SYT12: variants seen among roughly 807,000 people sequenced by gnomAD.
SYT12 encodes synaptotagmin 12.
SYT12 carries 27 observed loss-of-function variants against 39.5 expected under a neutral mutation model. The observed-to-expected ratio is 0.68, with a 90% CI of 0.50 to 0.94. The LOEUF (loss-of-function observed/expected upper bound fraction) is 0.94. SYT12 is among the 40% of genes least tolerant of loss of function. The pLI is 0.00. For missense variants in SYT12, 536 were observed against 572.6 expected (o/e 0.94, Z 0.65); for synonymous variants, 233 against 239.7 (o/e 0.97, Z 0.26).
chr11:67,035,829 CCTTCCTTCCTTTCTTTCTTT>C (rs1187387592), intron 3 of SYT12, among the ~76,000 whole-genome samples: 42 of 99,846 alleles, frequency 4.2e-4, no homozygotes, highest in African/African-American at 8.9e-4. Flanking sequence ...TTCCTTCCTT[CCTTCCTTCCTTTCTTTCTTT>C]CTTTCTTTCT....
At chr11:67,013,403 T>C (rs1187110646) in intron 3 of SYT12, among the ~76,000 whole-genome samples, 3 of 152,184 alleles carry the variant, frequency 2.0e-5, no homozygotes, top group African/African-American at 7.2e-5. Flanking sequence ...CTGGCAGGGT[T>C]GCACCTTCTC....
At chr11:67,035,837 CCTTTCTTTCTTT>C (rs1157424282) in intron 3 of SYT12, among the ~76,000 whole-genome samples, 1,173 of 110,872 alleles carry the variant, frequency 0.011, 33 homozygotes, top group Non-Finnish European at 0.012. Context: ...TTCCTTCCTT[CCTTTCTTTCTTT>C]CTTTCTTTCT....
At chr11:67,030,482 T>C in intron 2 of SYT12, 1 of 369,294 alleles carries the variant, frequency 2.7e-6, no homozygotes, top group Non-Finnish European at 4.9e-6. Flanking sequence ...GATGAGCCTG[T>C]GACTCGGAAT....
Position 67,034,451 on chromosome 11 carries a change from A to G in SYT12, c.35-194A>G, listed in dbSNP as rs907300518. On this transcript the variant is annotated intron_variant, in intron 2 of 7. Transcript: ENST00000527043. ...TGTAAATATCCCCAAATCAGAAAAA[A>G]TCTGAAACCCAAAACACTTCTGGTC... is the stretch of plus-strand genomic sequence containing the variant. 2.0e-5 allele frequency among the ~76,000 whole-genome samples: 3 copies of G among 152,250 alleles called. No individual in the cohort carries two copies. In the East Asian group the frequency reaches 5.8e-4, roughly 29 times the overall value.
upstream of SYT12, among the ~76,000 whole-genome samples, chr11:67,022,147 C>T (rs1179258039): frequency 1.3e-5 from 2 of 152,184 alleles, no homozygotes; most frequent in African/African-American, 2.4e-5. Flanking sequence ...CTTTCTAGGG[C>T]TCCCCAGCAT....
exon 2 of SYT12, chr11:67,009,934 G>A (rs1950000728): frequency 6.6e-6 from 1 of 152,376 alleles, no homozygotes; most frequent in South Asian, 2.1e-4. Context: ...AAAGGATGAA[G>A]AGTTTACATC....
chr11:67,038,413 C>T (rs565157311), intron 3 of SYT12, among the ~76,000 whole-genome samples: 21 of 151,982 alleles, frequency 1.4e-4, no homozygotes, highest in African/African-American at 3.9e-4. Flanking sequence ...GATCCGCCAC[C>T]TCAGCCTCCC....
At position 67,040,027 on chromosome 11, in the gene SYT12, C is replaced by T; in HGVS notation, c.445C>T (p.Gln149Ter). ...CTCCTCCGTGAGCAACACCTTTGGG[C>T]AGGACTTCACACTGGGCCAGGTGGA... is the stretch of plus-strand genomic sequence containing the variant. ...SISSVSNTFG[Q>*]DFTLGQVEVS... is the part of the protein sequence containing the mutation. The change falls in exon 4 of 8, where the codon CAG becomes TAG. Residue 149 changes from glutamine (Q) to a stop codon, truncating the protein, a stop_gained. Transcript: ENST00000527043. LOFTEE classifies it high-confidence loss of function. 1 of 1,613,962 alleles carries T rather than the reference C, an allele frequency of 6.2e-7. No individual in the cohort carries two copies. Among genetic ancestry groups the T allele is most frequent in the Non-Finnish European group, 8.5e-7 (1 of 1,180,028 alleles).
chr11:67,009,091 C>T (rs1355550562), intron 1 of SYT12, among the ~76,000 whole-genome samples: 5 of 152,120 alleles, frequency 3.3e-5, no homozygotes, highest in African/African-American at 4.8e-5. Context: ...CCTGCAACCT[C>T]GCCCTCCCAG....
intron 3 of SYT12, among the ~76,000 whole-genome samples, chr11:67,038,543 C>T (rs1415978903): frequency 6.6e-6 from 1 of 152,168 alleles, no homozygotes; most frequent in Non-Finnish European, 1.5e-5. Context: ...CTTGTGGCTG[C>T]TCCATCATCT....
At position 67,043,824 on chromosome 11, in the gene SYT12, G is replaced by A. The variant is rs1477711075; in HGVS notation, c.808G>A (p.Gly270Ser). The A allele has an allele frequency of 1.3e-5, 21 of 1,614,106 alleles. No homozygotes were observed. The highest frequency in any genetic ancestry group is 1.6e-5 in the Non-Finnish European group (19 of 1,180,040). ...TGACCTCCCGCTGCAGCCCTTCAGTGGCTGGCTCTATTTACAGGACCAGAA... is the reference window on the plus strand; with the variant it reads ...TGACCTCCCGCTGCAGCCCTTCAGTAGCTGGCTCTATTTACAGGACCAGAA... ...VLDLPLQPFS[G>S]WLYLQDQNKA... The change falls in exon 5 of 8, where the codon GGC (glycine) becomes AGC (serine). Residue 270 changes from glycine (G) to serine (S), a missense_variant. Coordinates refer to ENST00000527043, the MANE Select transcript of SYT12 (RefSeq NM_177963.4).
chr11:67,044,981 A>G (rs1451439611), intron 6 of SYT12, among the ~76,000 whole-genome samples: 1 of 152,014 alleles, frequency 6.6e-6, no homozygotes, highest in East Asian at 1.9e-4. Context: ...CGGGGGTCTC[A>G]GGGCAGGAGG....
At chr11:67,006,904 G>C (rs1357890694) in exon 1 of SYT12, 9 of 152,248 alleles carry the variant, frequency 5.9e-5, no homozygotes, top group African/African-American at 2.2e-4. Flanking sequence ...ATTTGGCAGC[G>C]CTGCTGCCTT....
chr11:67,048,124 AGCCGGGCAT>A (rs1018466659), intron 7 of SYT12, among the ~76,000 whole-genome samples: 1 of 150,828 alleles, frequency 6.6e-6, no homozygotes, highest in East Asian at 2.0e-4. Context: ...TACAAAAATT[AGCCGGGCAT>A]GGTGGCAGGA....
intron 4 of SYT12, among the ~76,000 whole-genome samples, chr11:67,041,037 T>A (rs1468735664): frequency 6.6e-6 from 1 of 151,566 alleles, no homozygotes; most frequent in Non-Finnish European, 1.5e-5. Context: ...CTGGCTGTGG[T>A]AGTGCCAGCT....
Position 67,049,080 on chromosome 11 carries a change from G to A in SYT12, c.*323G>A, listed in dbSNP as rs954874479. On this transcript the variant is annotated 3_prime_UTR_variant, in exon 8 of 8. Transcript: ENST00000527043. ...CAGTGAATCTTGGGGGCCAGGCACT[G>A]TGCTAGGCACCAGCAGGGGTAACAC... 1 of 261,112 alleles carries A rather than the reference G, an allele frequency of 3.8e-6. No individual in the cohort carries two copies. Among genetic ancestry groups the A allele is most frequent in the Non-Finnish European group, 7.4e-6 (1 of 134,470 alleles). The allele number at this position is 261,112 out of a possible 1,614,324, so 16.2% of individuals were successfully genotyped here.
rs148293396 is a variant in SYT12 at position 67,026,144 on chromosome 11, C to A, written c.-24+2684C>A. Among the ~76,000 whole-genome samples the A allele has an allele frequency of 8.0e-3, 1,213 of 152,198 alleles. 6 individuals are homozygous for A. Among genetic ancestry groups the A allele is most frequent in the Non-Finnish European group, 0.013 (873 of 68,004 alleles). ...GAGCAGGGATGCTTCCAGGGCTCAA[C>A]AGGTTCTAGCAGTGAATGGAAGGAT... On this transcript the variant is annotated intron_variant, in intron 1 of 7. Coordinates refer to ENST00000527043, the MANE Select transcript of SYT12 (RefSeq NM_177963.4).
chr11:67,039,136 T>C (rs1950446682), intron 3 of SYT12, among the ~76,000 whole-genome samples: 2 of 148,132 alleles, frequency 1.4e-5, no homozygotes, highest in African/African-American at 5.0e-5. Flanking sequence ...AAACCCTGTC[T>C]CTACTAAAAA....
chr11:67,022,323 C>T (rs952586294), upstream of SYT12, among the ~76,000 whole-genome samples: 1 of 152,336 alleles, frequency 6.6e-6, no homozygotes, highest in Non-Finnish European at 1.5e-5. Flanking sequence ...CTGGGATCCT[C>T]GCCCCTCTTC....
Sources: allele counts gnomAD v4.1 joint callset (sites outside exome capture counted in the v4.1 genomes callset), GRCh38; gene constraint gnomAD v4.1.1; transcripts MANE v1.5; gene names NCBI Gene and HGNC (gene_info 2026-07-23, HGNC 2026-07-21).